Variants in NR5A2 observed in about 807,000 individuals in gnomAD.
NR5A2 encodes CYP7A promoter-binding factor.
In NR5A2, 26 loss-of-function variants were observed where a neutral mutation model predicts 62.7. The observed-to-expected ratio is 0.41, with a 90% CI of 0.30 to 0.58. The LOEUF (loss-of-function observed/expected upper bound fraction) is 0.58, where lower values mean the gene tolerates loss of function less well. NR5A2 is among the 20% of genes least tolerant of loss of function. The pLI is 0.22. For synonymous variants in NR5A2, 246 were observed against 241.7 expected, an observed-to-expected ratio of 1.02 and a Z score of -0.16; for missense variants, 541 against 669.1, an observed-to-expected ratio of 0.81 and a Z score of 2.11.
chr1:200,162,747 C>T (rs1012984376), intron 7 of NR5A2, among the ~76,000 whole-genome samples: 1 of 152,078 alleles, frequency 6.6e-6, no homozygotes, highest in Non-Finnish European at 1.5e-5. Flanking sequence ...AGGGAGGAGT[C>T]ATGAATGAAT....
chr1:200,086,718 T>C (rs1402170843), intron 5 of NR5A2, among the ~76,000 whole-genome samples: 1 of 152,194 alleles, frequency 6.6e-6, no homozygotes, highest in Non-Finnish European at 1.5e-5. Context: ...GAGTCCTCTT[T>C]TTCTCTGCAA....
intron 7 of NR5A2, among the ~76,000 whole-genome samples, chr1:200,149,203 C>T (rs1208897664): frequency 1.3e-5 from 2 of 152,222 alleles, no homozygotes; most frequent in Admixed American, 6.5e-5. Context: ...TGAGCCACCT[C>T]ACCCGGCCAC....
Position 200,048,042 on chromosome 1 carries a change from GC to G in NR5A2, c.464-129del. On this transcript the variant is annotated intron_variant, in intron 4 of 7. Coordinates refer to ENST00000367362, the MANE Select transcript of NR5A2 (RefSeq NM_205860.3). This position sits in a 1 kb window ranked among gnomAD's most constrained non-coding sequence, Gnocchi z 4.8. ...ATGGTTTTTTGGGAAATCTTTGTGG[GC>G]TATTGTAACGAAAACAACCACACAC... The G allele has an allele frequency of 1.3e-6, 1 of 790,378 alleles. No homozygotes were observed. The highest frequency in any genetic ancestry group is 2.0e-6 in the Non-Finnish European group (1 of 506,662). 49.0% of individuals were successfully genotyped at this position (790,378 alleles called of 1,614,324 possible). A position where few individuals can be genotyped will look rare whatever the true frequency, so the allele number is the denominator to read the frequency against.
chr1:200,065,396 G>A (rs1162789481), intron 5 of NR5A2, among the ~76,000 whole-genome samples: 1 of 152,018 alleles, frequency 6.6e-6, no homozygotes, highest in Non-Finnish European at 1.5e-5. Context: ...CACCACCTCG[G>A]CCTCCCAAAA....
chr1:200,147,762 G>A lies in NR5A2; in HGVS notation c.1379-26201G>A, dbSNP rs1338319572. The stretch of plus-strand genomic sequence containing the variant: ...CCACGGTGAAGACGCGGATGCCGGC[G>A]CGAATGCCGGCACGGATGCCGGCAC... On this transcript the variant is annotated intron_variant, in intron 7 of 7. Coordinates refer to ENST00000367362, the MANE Select transcript of NR5A2 (RefSeq NM_205860.3). The surrounding 1 kb of genome is among the most constrained non-coding windows in gnomAD (Gnocchi z 4.9). The A allele has an allele frequency of 2.0e-6, 1 of 512,636 alleles. No individual in the cohort carries two copies. Among genetic ancestry groups the A allele is most frequent in the South Asian group, 2.0e-5 (1 of 50,358 alleles). 31.8% of individuals were successfully genotyped at this position (512,636 alleles called of 1,614,324 possible).
At chr1:200,083,848 C>G (rs373771285) in intron 5 of NR5A2, among the ~76,000 whole-genome samples, 7 of 151,886 alleles carry the variant, frequency 4.6e-5, no homozygotes, top group Non-Finnish European at 1.0e-4. Flanking sequence ...GCCTGTAATC[C>G]CAGCTACTTG....
intron 7 of NR5A2, among the ~76,000 whole-genome samples, chr1:200,154,501 T>C (rs1653285921): frequency 6.6e-6 from 1 of 152,104 alleles, no homozygotes. Flanking sequence ...GAGATGGTGG[T>C]GGTCTCTGGT....
intron 2 of NR5A2, chr1:200,043,063 C>T: frequency 1.1e-6 from 1 of 941,716 alleles, no homozygotes; most frequent in Non-Finnish European, 1.3e-6. Flanking sequence ...TTTTACTCTT[C>T]TGGTATTTTT....
intron 5 of NR5A2, among the ~76,000 whole-genome samples, chr1:200,070,492 C>G (rs1444580892): frequency 6.6e-6 from 1 of 152,024 alleles, no homozygotes; most frequent in African/African-American, 2.4e-5. Flanking sequence ...GACAAGGAGT[C>G]TCAGCATAGT....
chr1:200,157,362 G>A (rs190585639), intron 7 of NR5A2, among the ~76,000 whole-genome samples: 4 of 152,310 alleles, frequency 2.6e-5, no homozygotes, highest in Admixed American at 2.0e-4. Context: ...ATTTCTGGGT[G>A]TGAAAGGGAA....
chr1:200,133,721 C>T (rs1267735386), intron 7 of NR5A2, among the ~76,000 whole-genome samples: 3 of 150,566 alleles, frequency 2.0e-5, no homozygotes, highest in African/African-American at 7.3e-5. Context: ...TAGTATTTAC[C>T]CTACTATATA....
chr1:200,055,245 G>A (rs551076216), intron 5 of NR5A2, among the ~76,000 whole-genome samples: 1 of 151,724 alleles, frequency 6.6e-6, no homozygotes, highest in South Asian at 2.1e-4. Context: ...GCCCAGGCTG[G>A]AGTGCAATGG....
chr1:200,110,191 T>A (rs940749866), intron 5 of NR5A2, among the ~76,000 whole-genome samples: 10 of 152,242 alleles, frequency 6.6e-5, no homozygotes, highest in African/African-American at 2.4e-4. Context: ...CACAAAACTC[T>A]TAAAAATATT....
intron 7 of NR5A2, among the ~76,000 whole-genome samples, chr1:200,149,532 C>G (rs1404493701): frequency 6.6e-6 from 1 of 152,188 alleles, no homozygotes; most frequent in Non-Finnish European, 1.5e-5. Context: ...CAACCCACAG[C>G]TATGTTGTCA....
At chr1:200,137,679 CG>C (rs1309811112) in intron 7 of NR5A2, among the ~76,000 whole-genome samples, 4 of 151,976 alleles carry the variant, frequency 2.6e-5, no homozygotes, top group Admixed American at 1.3e-4. Flanking sequence ...AATTTGTGTA[CG>C]TTTTTAAGTA....
At chr1:200,163,934 A>G (rs1297380790) in intron 7 of NR5A2, among the ~76,000 whole-genome samples, 3 of 152,054 alleles carry the variant, frequency 2.0e-5, no homozygotes, top group African/African-American at 4.8e-5. Flanking sequence ...GTAATCCCCA[A>G]TGCTGGAGGT....
At chr1:200,172,030 T>C (rs938542404) in intron 7 of NR5A2, among the ~76,000 whole-genome samples, 12 of 152,242 alleles carry the variant, frequency 7.9e-5, no homozygotes, top group Admixed American at 6.5e-4. Flanking sequence ...ATTCATTCTA[T>C]GCAAATTTCT....
chr1:200,073,971 G>A (rs1424681111), intron 5 of NR5A2, among the ~76,000 whole-genome samples: 1 of 152,038 alleles, frequency 6.6e-6, no homozygotes, highest in African/African-American at 2.4e-5. Flanking sequence ...TCTGTGGAGG[G>A]GGCACCAGGG....
intron 7 of NR5A2, among the ~76,000 whole-genome samples, chr1:200,155,714 C>A (rs1450977788): frequency 2.0e-5 from 3 of 151,408 alleles, no homozygotes; most frequent in Non-Finnish European, 2.9e-5. Context: ...CACTCTGTCA[C>A]CCAGGCTGGA....
Sources: gnomAD v4.1 joint callset for allele counts (sites outside exome capture counted in the v4.1 genomes callset) on GRCh38, gnomAD v4.1.1 for gene constraint, Gnocchi (gnomAD v3.1) non-coding constraint, MANE v1.5 for transcripts, NCBI Gene and HGNC (gene_info 2026-07-23, HGNC 2026-07-21) for gene names.